The following RIOK1 variants were observed in gnomAD, a reference collection of about 807,000 sequenced individuals.
RIOK1 encodes serine/threonine-protein kinase RIO1.
In RIOK1, 66 loss-of-function variants were observed where a neutral mutation model predicts 73.5. That is an observed-to-expected ratio of 0.90 (90% confidence interval 0.74 to 1.10). RIOK1 has a LOEUF of 1.10. RIOK1 is among the 50% of genes least tolerant of loss of function. The pLI is 0.00. For synonymous variants in RIOK1, 224 were observed against 226.8 expected (o/e 0.99, Z 0.11); for missense variants, 658 against 699.8 (o/e 0.94, Z 0.67).
At chr6:7,394,287 A>T (rs929189153) in intron 2 of RIOK1, among the ~76,000 whole-genome samples, 11 of 152,146 alleles carry the variant, frequency 7.2e-5, no homozygotes, top group Non-Finnish European at 1.5e-4. Flanking sequence ...CACAAAAATT[A>T]GCCGGGCGTG....
intron 14 of RIOK1, among the ~76,000 whole-genome samples, chr6:7,412,300 G>A (rs1423678048): frequency 3.3e-5 from 5 of 151,928 alleles, no homozygotes; most frequent in Non-Finnish European, 5.9e-5. Flanking sequence ...GGCGGAGGCT[G>A]CGGTGAGCTG....
At chr6:7,392,780 T>C (rs979919403) in intron 1 of RIOK1, 2 of 198,354 alleles carry the variant, frequency 1.0e-5, no homozygotes, top group African/African-American at 4.7e-5. Context: ...TCAAGTCTGG[T>C]ATACTGGTCT....
intron 4 of RIOK1, among the ~76,000 whole-genome samples, chr6:7,397,592 A>G (rs1761504165): frequency 6.6e-6 from 1 of 152,262 alleles, no homozygotes; most frequent in East Asian, 1.9e-4. Context: ...ACTATATTAT[A>G]GAAAACGACA....
chr6:7,405,888 A>G (rs1761733859), intron 12 of RIOK1, among the ~76,000 whole-genome samples: 1 of 151,280 alleles, frequency 6.6e-6, no homozygotes, highest in Admixed American at 6.6e-5. Flanking sequence ...AGTTTGTGAA[A>G]GTTTAGCAAG....
At chr6:7,396,398 A>G (rs1761474521) in intron 3 of RIOK1, among the ~76,000 whole-genome samples, 2 of 152,254 alleles carry the variant, frequency 1.3e-5, no homozygotes, top group African/African-American at 4.8e-5. Context: ...AGTCATGTGG[A>G]GTACTAGCAA....
chr6:7,401,805 A>C (rs1309765148), intron 6 of RIOK1, among the ~76,000 whole-genome samples: 1 of 150,666 alleles, frequency 6.6e-6, no homozygotes, highest in Non-Finnish European at 1.5e-5. Flanking sequence ...CACCCTCCCG[A>C]ATAGCTGGGA....
At chr6:7,391,307 C>A (rs1053118329) in intron 1 of RIOK1, among the ~76,000 whole-genome samples, 3 of 151,934 alleles carry the variant, frequency 2.0e-5, no homozygotes, top group Admixed American at 6.6e-5. Flanking sequence ...CAGGGGAAAC[C>A]GATATTATTA....
chr6:7,414,227 A>T lies in RIOK1; in HGVS notation c.1444-11A>T. On this transcript the variant is annotated splice_polypyrimidine_tract_variant and intron_variant, in intron 15 of 16. Coordinates refer to ENST00000379834, the MANE Select transcript of RIOK1 (RefSeq NM_031480.3). ...TTGTTTAGAATAACATGGTTCTTTA[A>T]TAATTTCAAGGTCCCTGCACTCCTA... 6.3e-7 allele frequency: 1 copy of T among 1,597,966 alleles called. No individual in the cohort carries two copies. Among genetic ancestry groups the T allele is most frequent in the Non-Finnish European group, 8.5e-7 (1 of 1,175,238 alleles).
chr6:7,403,429 T>C (rs1757323349), intron 8 of RIOK1, among the ~76,000 whole-genome samples: 1 of 152,218 alleles, frequency 6.6e-6, no homozygotes, highest in Non-Finnish European at 1.5e-5. Flanking sequence ...CCTCATCTAG[T>C]TGAGATCAAG....
intron 11 of RIOK1, 91 bp downstream of exon 11, chr6:7,405,112 ATTGT>A (rs1761713081): frequency 8.2e-7 from 1 of 1,214,510 alleles, no homozygotes; most frequent in Non-Finnish European, 1.2e-6. Context: ...TTCTCACTAA[ATTGT>A]TTGGTGCAGT....
At chr6:7,406,951 C>T (rs1322634536) in intron 12 of RIOK1, among the ~76,000 whole-genome samples, 2 of 152,246 alleles carry the variant, frequency 1.3e-5, no homozygotes, top group Non-Finnish European at 2.9e-5. Flanking sequence ...CATGAGTCAC[C>T]ACGCCTGGCC....
chr6:7,405,068 GT>G (rs1761712267), intron 11 of RIOK1, 47 bp downstream of exon 11: 2 of 1,495,086 alleles, frequency 1.3e-6, no homozygotes, highest in Non-Finnish European at 1.9e-6. Context: ...GTCTGTTTTG[GT>G]TTTGTACTCA....
intron 14 of RIOK1, among the ~76,000 whole-genome samples, chr6:7,412,360 C>T (rs1308559367): frequency 9.3e-6 from 1 of 107,708 alleles, no homozygotes; most frequent in Non-Finnish European, 1.9e-5. Flanking sequence ...AACTCTGTCT[C>T]AAAAAAAAAA....
At chr6:7,405,487 A>G (rs1214440912) in intron 12 of RIOK1, 132 bp downstream of exon 12, 3 of 539,376 alleles carry the variant, frequency 5.6e-6, no homozygotes, top group South Asian at 5.8e-5. Flanking sequence ...CCTTGTACTT[A>G]CCCTAGTTGA....
At chr6:7,409,385 C>T (rs2113524402) in intron 12 of RIOK1, among the ~76,000 whole-genome samples, 1 of 152,188 alleles carries the variant, frequency 6.6e-6, no homozygotes, top group South Asian at 2.1e-4. Flanking sequence ...CTCCAAGTAA[C>T]TGAGATTTCA....
At position 7,390,021 on chromosome 6, in the gene RIOK1, C is replaced by G. The variant is rs751852871; in HGVS notation, c.19C>G (p.Leu7Val). 1.4e-5 allele frequency: 21 copies of G among 1,554,956 alleles called. No individual in the cohort carries two copies. Among genetic ancestry groups the G allele is most frequent in the Non-Finnish European group, 8.7e-6 (10 of 1,149,394 alleles). ...TCCAGTCATGGACTACCGGCGGCTTCTCATGAGCCGGGTGGTCCCCGGGCA... is the reference window on the plus strand; with the variant it reads ...TCCAGTCATGGACTACCGGCGGCTTGTCATGAGCCGGGTGGTCCCCGGGCA... The part of the protein sequence containing the change: MDYRRL[L>V]MSRVVPGQFD... Residue 7 changes from leucine (L) to valine (V), a missense_variant, in exon 1 of 17, where the codon CTC becomes GTC. Physicochemically the swap from Leu to Val is conservative, Grantham distance 32. Coordinates refer to ENST00000379834, the MANE Select transcript of RIOK1 (RefSeq NM_031480.3).
At chr6:7,415,383 C>T (rs1012792739) in intron 16 of RIOK1, among the ~76,000 whole-genome samples, 4 of 151,100 alleles carry the variant, frequency 2.6e-5, no homozygotes, top group African/African-American at 9.7e-5. Flanking sequence ...GCCTGGGTGA[C>T]AGAGTGAGAT....
chr6:7,416,712 G>A (rs1287268753), intron 16 of RIOK1, among the ~76,000 whole-genome samples: 1 of 150,942 alleles, frequency 6.6e-6, no homozygotes, highest in East Asian at 1.9e-4. Context: ...CTCAGCTACT[G>A]GGGAGGTTGA....
intron 2 of RIOK1, 57 bp from the exon 3 acceptor site, chr6:7,394,996 A>G (rs12527405): frequency 0.037 from 58,898 of 1,599,942 alleles, 1,690 homozygotes; most frequent in Admixed American, 0.14. Context: ...AAATGTGATG[A>G]TGAATCTTAG....
Sources: gnomAD v4.1 joint callset for allele counts (sites outside exome capture counted in the v4.1 genomes callset) on GRCh38, gnomAD v4.1.1 for gene constraint, MANE v1.5 for transcripts, NCBI Gene and HGNC (gene_info 2026-07-23, HGNC 2026-07-21) for gene names.